Variants in C3orf33 observed in about 807,000 individuals in gnomAD.
C3orf33 encodes AP-1 activity suppressor.
Under a neutral mutation model 28.7 loss-of-function variants are expected in C3orf33, and 23 were observed. The ratio of observed to expected loss-of-function variants is 0.80; its 90% CI spans 0.58 to 1.13. C3orf33 has a LOEUF of 1.13. C3orf33 is among the 50% of genes most tolerant of loss of function. C3orf33 has a pLI of 0.00. For missense variants in C3orf33, 327 were observed against 353.4 expected, an observed-to-expected ratio of 0.93 and a Z score of 0.60; for synonymous variants, 119 against 120.5, an observed-to-expected ratio of 0.99 and a Z score of 0.08.
intron 1 of C3orf33, chr3:155,804,145 C>T: frequency 2.5e-6 from 1 of 407,048 alleles, no homozygotes; most frequent in East Asian, 9.0e-5. Flanking sequence ...CATTGCACTC[C>T]AGCCTGGGGG....
chr3:155,784,111 A>C (rs1751028062), intron 2 of C3orf33, among the ~76,000 whole-genome samples: 1 of 151,574 alleles, frequency 6.6e-6, no homozygotes, highest in South Asian at 2.1e-4. Context: ...TTGTATTTTT[A>C]GTAGAGATGG....
At chr3:155,763,972 C>T (rs893570004) in intron 4 of C3orf33, 54 bp from the exon 5 acceptor site, 1 of 1,197,822 alleles carries the variant, frequency 8.3e-7, no homozygotes, top group African/African-American at 1.6e-5. Context: ...TTGTTATACC[C>T]ATCACATCTT....
At position 155,806,191 on chromosome 3, in the gene C3orf33, T is replaced by G; in HGVS notation, c.62A>C (p.Asn21Thr). 2.0e-6 allele frequency: 3 copies of G among 1,503,884 alleles called. No individual in the cohort carries two copies. Among genetic ancestry groups the G allele is most frequent in the East Asian group, 2.6e-5 (1 of 38,836 alleles). 93.2% of individuals were successfully genotyped at this position (1,503,884 alleles called of 1,614,324 possible). Reference protein sequence around the residue: ...PSADKDGMEPNVVARISQWAD... With the variant: ...PSADKDGMEPTVVARISQWAD... ...CCACTGCGAGATCCGAGCCACGACG[T>G]TGGGCTCCATTCCGTCCTTGTCGGC... The change falls in exon 1 of 5, where the codon AAC becomes ACC. Residue 21 changes from asparagine to threonine, a missense_variant. Transcript: ENST00000340171.
intron 2 of C3orf33, among the ~76,000 whole-genome samples, chr3:155,796,851 TG>T (rs1346303876): frequency 6.6e-6 from 1 of 152,182 alleles, no homozygotes; most frequent in Non-Finnish European, 1.5e-5. Flanking sequence ...GATGCAAGGA[TG>T]GTTCAACATA....
chr3:155,772,963 C>T (rs1240018271), intron 3 of C3orf33, among the ~76,000 whole-genome samples: 1 of 152,160 alleles, frequency 6.6e-6, no homozygotes, highest in Non-Finnish European at 1.5e-5. Flanking sequence ...CAGCTCCACA[C>T]ACCAATCTGT....
intron 2 of C3orf33, among the ~76,000 whole-genome samples, chr3:155,785,488 C>CA (rs1437632730): frequency 6.6e-6 from 1 of 152,068 alleles, no homozygotes; most frequent in Non-Finnish European, 1.5e-5. Context: ...TTATGAAAGA[C>CA]AGATGTCATA....
intron 3 of C3orf33, among the ~76,000 whole-genome samples, chr3:155,773,712 C>T (rs1424503357): frequency 1.3e-5 from 2 of 152,134 alleles, no homozygotes; most frequent in African/African-American, 4.8e-5. Context: ...GGAATATCAC[C>T]CCTGTAGACA....
intron 2 of C3orf33, among the ~76,000 whole-genome samples, chr3:155,802,237 G>C (rs1279916432): frequency 1.3e-5 from 2 of 152,170 alleles, no homozygotes; most frequent in African/African-American, 4.8e-5. Flanking sequence ...TACAGTGTTT[G>C]AAATGCAAAT....
At chr3:155,783,599 T>C (rs538864003) in intron 2 of C3orf33, among the ~76,000 whole-genome samples, 6 of 151,912 alleles carry the variant, frequency 3.9e-5, no homozygotes, top group Non-Finnish European at 8.8e-5. Context: ...ACCAAGTAGC[T>C]GGGACTACAG....
intron 4 of C3orf33, 122 bp downstream of exon 4, chr3:155,767,387 G>A (rs1750442469): frequency 5.5e-6 from 3 of 542,988 alleles, no homozygotes. Context: ...ACTATCAGTA[G>A]CAGTTTAAAA....
At chr3:155,793,005 GA>G (rs1559998054) in intron 2 of C3orf33, among the ~76,000 whole-genome samples, 1 of 151,928 alleles carries the variant, frequency 6.6e-6, no homozygotes, top group African/African-American at 2.4e-5. Context: ...AGATTTAACC[GA>G]AAGACGATCA....
chr3:155,764,488 A>G (rs569552524), intron 4 of C3orf33, among the ~76,000 whole-genome samples: 1 of 152,258 alleles, frequency 6.6e-6, no homozygotes, highest in South Asian at 2.1e-4. Context: ...AGGAAATTTT[A>G]TTCATGGAAT....
At chr3:155,779,558 G>A (rs377096063) in intron 2 of C3orf33, among the ~76,000 whole-genome samples, 44 of 152,176 alleles carry the variant, frequency 2.9e-4, no homozygotes, top group African/African-American at 1.1e-3. Flanking sequence ...GCCTCCCAAA[G>A]CGCTGGGATT....
chr3:155,800,610 C>CAAAAAAAAAA (rs58092818), intron 2 of C3orf33, among the ~76,000 whole-genome samples: 208 of 15,646 alleles, frequency 0.013, 37 homozygotes, highest in South Asian at 0.022. Flanking sequence ...ACCTTATCTC[C>CAAAAAAAAAA]AAAAAAAAAA....
intron 2 of C3orf33, among the ~76,000 whole-genome samples, chr3:155,779,395 G>A (rs760040666): frequency 6.6e-6 from 1 of 152,054 alleles, no homozygotes; most frequent in Non-Finnish European, 1.5e-5. Flanking sequence ...CCCGGGTTCA[G>A]GCAATTCTCC....
chr3:155,776,721 A>C (rs1750758169), intron 2 of C3orf33, among the ~76,000 whole-genome samples: 1 of 138,364 alleles, frequency 7.2e-6, no homozygotes, highest in South Asian at 2.3e-4. Flanking sequence ...GCACCACTAC[A>C]CTCCAGCCTG....
At chr3:155,773,632 T>G (rs1280801986) in intron 3 of C3orf33, among the ~76,000 whole-genome samples, 1 of 152,224 alleles carries the variant, frequency 6.6e-6, no homozygotes, top group African/African-American at 2.4e-5. Context: ...GTGAGATCCC[T>G]TAATATAAAA....
At chr3:155,788,007 C>T (rs772675659) in intron 2 of C3orf33, among the ~76,000 whole-genome samples, 95 of 151,048 alleles carry the variant, frequency 6.3e-4, no homozygotes, top group Non-Finnish European at 7.5e-4. Context: ...CTGGTTAACA[C>T]GGTGAAACCC....
At chr3:155,786,939 A>G (rs544551343) in intron 2 of C3orf33, among the ~76,000 whole-genome samples, 194 of 152,348 alleles carry the variant, frequency 1.3e-3, no homozygotes, top group African/African-American at 4.5e-3. Flanking sequence ...TTAATCAAAA[A>G]TCTCCCAACA....
Sources: allele counts gnomAD v4.1 joint callset (sites outside exome capture counted in the v4.1 genomes callset), GRCh38; gene constraint gnomAD v4.1.1; transcripts MANE v1.5; gene names NCBI Gene and HGNC (gene_info 2026-07-23, HGNC 2026-07-21).